FHL1: variants seen among roughly 807,000 people sequenced by gnomAD.
The protein encoded by FHL1 is four and a half LIM domains protein 1.
In FHL1, 1 loss-of-function variant was observed where a neutral mutation model predicts 20.3. That is an observed-to-expected ratio of 0.05 (90% CI 0.02 to 0.23). FHL1 has a LOEUF of 0.23. FHL1 is among the 10% of genes least tolerant of loss of function. The probability of loss-of-function intolerance (pLI) is 1.00; values close to 1 mark genes in which losing one functional copy is unlikely to be tolerated. For missense variants in FHL1, 177 were observed against 234.0 expected (o/e 0.76, Z 1.59); for synonymous variants, 82 against 88.9 (o/e 0.92, Z 0.44).
Position 136,208,129 on chromosome X carries a change from C to T in FHL1, c.549+168C>T, listed in dbSNP as rs752505814. Among the ~76,000 whole-genome samples the T allele has an allele frequency of 8.0e-5, 9 of 112,391 alleles. No individual in the cohort carries two copies. In the South Asian group the frequency reaches 1.5e-3, roughly 19 times the overall value. On this transcript the variant is annotated intron_variant, in intron 4 of 5. Coordinates refer to ENST00000370683, the MANE Select transcript of FHL1 (RefSeq NM_001159699.2). ...GGAGATCGTGGATTAGGAAGCAGTG[C>T]CACAGCCAAGTCAGGCTGTCAGTAC...
At chrX:136,209,388 G>A (rs371767332) in intron 5 of FHL1, 31 of 1,208,988 alleles carry the variant, frequency 2.6e-5, no homozygotes, top group South Asian at 7.1e-5. Context: ...CTTGTCCCTC[G>A]TGGGTGGTGG....
intron 1 of FHL1, among the ~76,000 whole-genome samples, chrX:136,156,825 G>A (rs2072433056): frequency 9.0e-6 from 1 of 111,310 alleles, no homozygotes; most frequent in Admixed American, 9.6e-5. Context: ...ATTAAGGATT[G>A]GTTTTTCAGT....
At chrX:136,186,875 TATATATAGATAGATAG>T (rs1467393010) in intron 2 of FHL1, among the ~76,000 whole-genome samples, 512 of 8,142 alleles carry the variant, frequency 0.063, 16 homozygotes, top group African/African-American at 0.076. Flanking sequence ...AATATATATA[TATATATAGATAGATAG>T]ATAGATAGAT....
intron 2 of FHL1, among the ~76,000 whole-genome samples, chrX:136,181,041 C>T (rs1202708953): frequency 8.9e-6 from 1 of 112,613 alleles, no homozygotes; most frequent in African/African-American, 3.2e-5. Context: ...CCGCGCCCGG[C>T]CCTGATTGAC....
At chrX:136,161,662 G>A (rs1420687599) in intron 1 of FHL1, among the ~76,000 whole-genome samples, 2 of 112,030 alleles carry the variant, frequency 1.8e-5, no homozygotes, top group African/African-American at 6.5e-5. Context: ...CTGCCCAGTT[G>A]CTGAATTGTA....
At chrX:136,208,794 G>A (rs1411125233) in intron 5 of FHL1, among the ~76,000 whole-genome samples, 153 bp downstream of exon 5, 1 of 110,044 alleles carries the variant, frequency 9.1e-6, no homozygotes, top group African/African-American at 3.3e-5. Context: ...CCAAGAGTTT[G>A]GATTCGTCCC....
chrX:136,179,396 A>G (rs1161664107), intron 2 of FHL1, among the ~76,000 whole-genome samples: 1 of 111,872 alleles, frequency 8.9e-6, no homozygotes, highest in African/African-American at 3.3e-5. Context: ...GTCAGTTCTC[A>G]TAGACTTCAC....
At chrX:136,196,620 TCTC>T (rs2073561685), upstream of FHL1, 1 of 423,259 alleles carries the variant, frequency 2.4e-6, no homozygotes, top group Non-Finnish European at 4.1e-6. Context: ...TACTGTCTAA[TCTC>T]CTTGAGTTAC....
At chrX:136,175,703 G>C (rs1314978908) in intron 2 of FHL1, among the ~76,000 whole-genome samples, 1 of 112,188 alleles carries the variant, frequency 8.9e-6, no homozygotes, top group Non-Finnish European at 1.9e-5. Flanking sequence ...GAAAGAATTT[G>C]TATAATACAG....
chrX:136,186,757 G>A (rs1468982828), intron 2 of FHL1, among the ~76,000 whole-genome samples: 1 of 108,743 alleles, frequency 9.2e-6, no homozygotes. Context: ...AGGAGGCTGA[G>A]GCAGGAGAAT....
At chrX:136,206,818 A>T (rs770050012) in intron 2 of FHL1, among the ~76,000 whole-genome samples, 198 bp from the exon 3 acceptor site, 2 of 113,013 alleles carry the variant, frequency 1.8e-5, no homozygotes, top group South Asian at 7.2e-4. Flanking sequence ...ATTGCATTCT[A>T]AATATTTCAA....
intron 1 of FHL1, among the ~76,000 whole-genome samples, chrX:136,151,368 G>T (rs770202334): frequency 8.9e-6 from 1 of 112,886 alleles, no homozygotes; most frequent in East Asian, 2.8e-4. Flanking sequence ...CAATAACAGC[G>T]TCTTGAGGTG....
chrX:136,166,787 G>A (rs995204394), upstream of FHL1, among the ~76,000 whole-genome samples: 1 of 112,665 alleles, frequency 8.9e-6, no homozygotes, highest in Admixed American at 9.4e-5. Context: ...GTGGCGGCAT[G>A]TGAAATCATT....
intron 1 of FHL1, among the ~76,000 whole-genome samples, chrX:136,198,211 G>C (rs1392919825): frequency 9.2e-6 from 1 of 108,635 alleles, no homozygotes; most frequent in Non-Finnish European, 1.9e-5. Flanking sequence ...GCTTGAGATT[G>C]TGGTTATCAG....
At chrX:136,205,436 A>AT (rs1375189997) in intron 1 of FHL1, among the ~76,000 whole-genome samples, 1 of 112,200 alleles carries the variant, frequency 8.9e-6, no homozygotes, top group Non-Finnish European at 1.9e-5. Context: ...TTCTATGAGC[A>AT]TATTGATTCT....
intron 2 of FHL1, among the ~76,000 whole-genome samples, chrX:136,183,763 C>T (rs374262006): frequency 1.8e-5 from 2 of 111,226 alleles, no homozygotes; most frequent in Admixed American, 9.6e-5. Context: ...TATGGCTAGT[C>T]GGAAAGTGGA....
intron 1 of FHL1, among the ~76,000 whole-genome samples, chrX:136,153,956 A>G (rs2072344366): frequency 9.0e-6 from 1 of 111,725 alleles, no homozygotes; most frequent in African/African-American, 3.3e-5. Flanking sequence ...CCTGGCAGCT[A>G]TGTAAAGAAG....
rs944314407 is a variant in FHL1 at position 136,210,277 on chromosome X, G to T, written c.*252G>T. ...CAATTTAAAAATGAAAACTTAGGTA[G>T]ATTGACTCTTCTGCATGTTTCTCAT... On this transcript the variant is annotated 3_prime_UTR_variant, in exon 6 of 6. Coordinates refer to ENST00000370683, the MANE Select transcript of FHL1 (RefSeq NM_001159699.2). 8.4e-6 allele frequency: 4 copies of T among 477,043 alleles called. No homozygotes were observed. The highest frequency in any genetic ancestry group is 7.0e-5 in the African/African-American group (3 of 42,794). The allele number at this position is 477,043 out of a possible 1,213,427, so 39.3% of individuals were successfully genotyped here.
upstream of FHL1, among the ~76,000 whole-genome samples, chrX:136,196,160 A>G (rs1027579343): frequency 3.6e-5 from 4 of 110,739 alleles, no homozygotes; most frequent in Non-Finnish European, 7.6e-5. Context: ...GACTCTGGGC[A>G]CAGGGGACAG....
Sources: allele counts gnomAD v4.1 joint callset (sites outside exome capture counted in the v4.1 genomes callset), GRCh38; gene constraint gnomAD v4.1.1; transcripts MANE v1.5; gene names NCBI Gene and HGNC (gene_info 2026-07-23, HGNC 2026-07-21).